ZFAND3: variants seen among roughly 807,000 people sequenced by gnomAD.
ZFAND3 encodes the protein zinc finger AN1-type containing 3.
A neutral mutation model predicts 29.6 loss-of-function variants in ZFAND3; 10 were observed. The observed-to-expected ratio is 0.34, with a 90% confidence interval of 0.21 to 0.57. The LOEUF (loss-of-function observed/expected upper bound fraction) is 0.57. Among genes scored for constraint, ZFAND3 ranks in the 20% least tolerant of loss-of-function variants. ZFAND3 has a pLI of 0.86. For synonymous variants in ZFAND3, 128 were observed against 112.6 expected (o/e 1.14, Z -0.87); for missense variants, 230 against 304.5 (o/e 0.76, Z 1.82).
chr6:37,940,552 T>C (rs1029770078), intron 2 of ZFAND3, among the ~76,000 whole-genome samples: 6 of 152,214 alleles, frequency 3.9e-5, no homozygotes, highest in Non-Finnish European at 7.3e-5. Flanking sequence ...TATTTTTTTT[T>C]TAATTTATAA....
intron 1 of ZFAND3, among the ~76,000 whole-genome samples, chr6:37,924,621 G>A (rs1761448225): frequency 6.6e-6 from 1 of 151,994 alleles, no homozygotes. Context: ...GATCACCTGA[G>A]CCCAGGAGTT....
chr6:37,984,057 G>A (rs1258677198), intron 2 of ZFAND3, among the ~76,000 whole-genome samples: 1 of 152,152 alleles, frequency 6.6e-6, no homozygotes, highest in Non-Finnish European at 1.5e-5. Context: ...CTTTTTGAAA[G>A]CACAGTTGGA....
intron 2 of ZFAND3, among the ~76,000 whole-genome samples, chr6:38,037,726 C>T (rs550053195): frequency 3.8e-4 from 58 of 152,208 alleles, no homozygotes; most frequent in African/African-American, 1.3e-3. Flanking sequence ...ACTTCTTGGG[C>T]CCTTTAAAAA....
chr6:37,964,028 G>A (rs745796893), intron 2 of ZFAND3, among the ~76,000 whole-genome samples: 29 of 151,990 alleles, frequency 1.9e-4, no homozygotes, highest in Non-Finnish European at 3.2e-4. Context: ...TCCATATTTT[G>A]TTCTGTTGTA....
At chr6:37,831,446 C>G (rs531512005) in intron 1 of ZFAND3, among the ~76,000 whole-genome samples, 2 of 152,226 alleles carry the variant, frequency 1.3e-5, no homozygotes, top group Non-Finnish European at 2.9e-5. Context: ...GTGTCTTGAG[C>G]TATGCTAGGC....
intron 3 of ZFAND3, among the ~76,000 whole-genome samples, chr6:38,065,158 A>G (rs774796906): frequency 8.5e-5 from 13 of 152,132 alleles, no homozygotes; most frequent in Non-Finnish European, 8.8e-5. Flanking sequence ...CTCTACAAAA[A>G]TACAAAAATT....
At chr6:37,841,579 G>A (rs1055931806) in intron 1 of ZFAND3, among the ~76,000 whole-genome samples, 2 of 152,170 alleles carry the variant, frequency 1.3e-5, no homozygotes, top group African/African-American at 4.8e-5. Flanking sequence ...TGCCTCCCGG[G>A]TTCACGCCAT....
intron 1 of ZFAND3, among the ~76,000 whole-genome samples, chr6:37,893,149 C>T (rs1765133943): frequency 1.3e-5 from 2 of 152,146 alleles, no homozygotes; most frequent in Non-Finnish European, 2.9e-5. Context: ...GTATCATAAT[C>T]ACATTCCAAT....
At chr6:38,021,289 C>A (rs1270710117) in intron 2 of ZFAND3, among the ~76,000 whole-genome samples, 4 of 152,198 alleles carry the variant, frequency 2.6e-5, no homozygotes, top group Non-Finnish European at 5.9e-5. Flanking sequence ...CTATGAAAGC[C>A]AGTGAGCATT....
At chr6:37,952,430 G>A (rs1372913227) in intron 2 of ZFAND3, among the ~76,000 whole-genome samples, 1 of 151,914 alleles carries the variant, frequency 6.6e-6, no homozygotes, top group Non-Finnish European at 1.5e-5. Flanking sequence ...TTCAATCTTG[G>A]GAGGTTTTAT....
At chr6:38,103,464 CACGTGTATATATATACACACATAT>C (rs1765142334) in intron 4 of ZFAND3, among the ~76,000 whole-genome samples, 1 of 142,660 alleles carries the variant, frequency 7.0e-6, no homozygotes, top group Non-Finnish European at 1.5e-5. Flanking sequence ...CACATATATA[CACGTGTATATATATACACACATAT>C]ATACACGTGT....
At chr6:38,069,270 ATATTT>A (rs2127466367) in intron 3 of ZFAND3, among the ~76,000 whole-genome samples, 1 of 152,356 alleles carries the variant, frequency 6.6e-6, no homozygotes, top group African/African-American at 2.4e-5. Flanking sequence ...CTATTAAAAA[ATATTT>A]TATGACTTCC....
At chr6:38,019,064 G>T (rs1763300907) in intron 2 of ZFAND3, among the ~76,000 whole-genome samples, 1 of 152,054 alleles carries the variant, frequency 6.6e-6, no homozygotes, top group African/African-American at 2.4e-5. Context: ...CTGGGTTCAA[G>T]CAATTCTGTC....
chr6:37,850,142 T>C (rs1211607918), intron 1 of ZFAND3, among the ~76,000 whole-genome samples: 3 of 152,194 alleles, frequency 2.0e-5, no homozygotes, highest in Non-Finnish European at 2.9e-5. Flanking sequence ...GAGTATCTTA[T>C]CTGAATTGGA....
chr6:37,918,504 C>A (rs368274441), intron 1 of ZFAND3, among the ~76,000 whole-genome samples: 180 of 152,206 alleles, frequency 1.2e-3, no homozygotes, highest in African/African-American at 4.0e-3. Context: ...CTATTATCTC[C>A]CAGGTTTATG....
intron 1 of ZFAND3, among the ~76,000 whole-genome samples, chr6:37,828,724 C>A (rs962803832): frequency 6.6e-6 from 1 of 151,996 alleles, no homozygotes; most frequent in African/African-American, 2.4e-5. Context: ...TCTTGGCTCA[C>A]TGCAACCTCT....
At chr6:38,100,177 C>T (rs1461860141) in intron 4 of ZFAND3, among the ~76,000 whole-genome samples, 2 of 152,132 alleles carry the variant, frequency 1.3e-5, no homozygotes, top group Non-Finnish European at 2.9e-5. Context: ...GATGCTTCTG[C>T]CTCAGCCTCC....
At chr6:38,105,137 A>T (rs905581432) in intron 4 of ZFAND3, among the ~76,000 whole-genome samples, 3 of 152,224 alleles carry the variant, frequency 2.0e-5, no homozygotes, top group African/African-American at 7.2e-5. Flanking sequence ...GAAGGTGCTG[A>T]TAAAGAATAT....
At chr6:37,981,882 G>A (rs1213371146) in intron 2 of ZFAND3, among the ~76,000 whole-genome samples, 1 of 152,112 alleles carries the variant, frequency 6.6e-6, no homozygotes, top group Non-Finnish European at 1.5e-5. Context: ...TATATTTTAA[G>A]GAGACATGAT....
Sources: allele counts gnomAD v4.1 joint callset (sites outside exome capture counted in the v4.1 genomes callset), GRCh38; gene constraint gnomAD v4.1.1; transcripts MANE v1.5; gene names NCBI Gene and HGNC (gene_info 2026-07-23, HGNC 2026-07-21).